The following SLC35D2 variants were observed in gnomAD, a reference collection of about 807,000 sequenced individuals.
SLC35D2 encodes nucleotide sugar transporter SLC35D2.
Under a neutral mutation model 41.8 loss-of-function variants are expected in SLC35D2, and 43 were observed. The ratio of observed to expected loss-of-function variants is 1.03; its 90% CI spans 0.81 to 1.33. SLC35D2 has a LOEUF of 1.33. Ranked by LOEUF, SLC35D2 falls within the 40% of genes most tolerant of loss-of-function variation. The probability of loss-of-function intolerance (pLI) is 0.00; values close to 1 mark genes in which losing one functional copy is unlikely to be tolerated. For missense variants in SLC35D2, 380 were observed against 408.4 expected (o/e 0.93, Z 0.60); for synonymous variants, 150 against 163.9 (o/e 0.92, Z 0.65).
intron 1 of SLC35D2, among the ~76,000 whole-genome samples, chr9:96,369,645 G>A (rs1005272356): frequency 1.3e-5 from 2 of 152,210 alleles, no homozygotes; most frequent in African/African-American, 4.8e-5. Context: ...CCTGATTTAT[G>A]ACATAGATGA....
At chr9:96,382,496 C>CTA (rs142809659) in intron 1 of SLC35D2, among the ~76,000 whole-genome samples, 6,050 of 127,566 alleles carry the variant, frequency 0.047, 287 homozygotes, top group Admixed American at 0.16. Context: ...CACACACACA[C>CTA]TATATATATA....
chr9:96,324,070 T>C (rs1564083676), intron 10 of SLC35D2, 21 bp downstream of exon 10: 2 of 1,601,932 alleles, frequency 1.2e-6, no homozygotes, highest in Non-Finnish European at 1.7e-6. Flanking sequence ...GTTGTTCCCT[T>C]CCAAGTTTCC....
In SLC35D2 at chr9:96,345,417, CA is replaced by C; in HGVS notation, c.489-17del. 7.1e-7 allele frequency: 1 copy of C among 1,417,506 alleles called. No homozygotes were observed. Among genetic ancestry groups the C allele is most frequent in the Non-Finnish European group, 9.9e-7 (1 of 1,006,544 alleles). 87.8% of individuals were successfully genotyped at this position (1,417,506 alleles called of 1,614,324 possible). On this transcript the variant is annotated splice_polypyrimidine_tract_variant and intron_variant, in intron 6 of 11. Coordinates refer to ENST00000253270, the MANE Select transcript of SLC35D2 (RefSeq NM_007001.3). ...AAGGTCAGACCTGGGAGGGAGACCA[CA>C]AAGGGAGAATGATTACTCAAAAACT...
intron 1 of SLC35D2, among the ~76,000 whole-genome samples, chr9:96,375,934 G>A (rs1830932100): frequency 6.6e-6 from 1 of 152,132 alleles, no homozygotes; most frequent in Admixed American, 6.5e-5. Flanking sequence ...GCCGAGGCAG[G>A]TGGATCACTT....
intron 7 of SLC35D2, among the ~76,000 whole-genome samples, chr9:96,344,650 C>T (rs1297483986): frequency 8.0e-6 from 1 of 125,522 alleles, no homozygotes; most frequent in Non-Finnish European, 1.6e-5. Flanking sequence ...TCATCCAGCA[C>T]AAAGAGCTTG....
chr9:96,362,809 G>A (rs1830327047), intron 3 of SLC35D2, among the ~76,000 whole-genome samples: 1 of 151,462 alleles, frequency 6.6e-6, no homozygotes, highest in South Asian at 2.1e-4. Context: ...TGATGATTAG[G>A]TTGACAGCTT....
At chr9:96,353,502 C>G (rs540406918) in intron 4 of SLC35D2, among the ~76,000 whole-genome samples, 1 of 152,082 alleles carries the variant, frequency 6.6e-6, no homozygotes, top group Non-Finnish European at 1.5e-5. Context: ...TACACTACCA[C>G]GCCCAGCTAA....
intron 1 of SLC35D2, among the ~76,000 whole-genome samples, chr9:96,379,098 G>A (rs1831079512): frequency 6.7e-6 from 1 of 149,648 alleles, no homozygotes; most frequent in Non-Finnish European, 1.5e-5. Context: ...AGGAGTTCAA[G>A]ACCAGCCCGG....
chr9:96,346,003 T>G (rs761330063), intron 6 of SLC35D2, among the ~76,000 whole-genome samples: 14 of 152,238 alleles, frequency 9.2e-5, no homozygotes, highest in Non-Finnish European at 1.6e-4. Context: ...TTTGGGGATC[T>G]ATGACAGGAA....
Position 96,344,026 on chromosome 9 carries a change from A to C in SLC35D2, c.592-30T>G, listed in dbSNP as rs200032415. The C allele has an allele frequency of 1.0e-5, 15 of 1,450,880 alleles. No individual in the cohort carries two copies. The Middle Eastern group carries it at 7.1e-4, about 69-fold the overall frequency. 89.9% of individuals were successfully genotyped at this position (1,450,880 alleles called of 1,614,324 possible). On this transcript the variant is annotated intron_variant, in intron 7 of 11. Coordinates refer to ENST00000253270, the MANE Select transcript of SLC35D2 (RefSeq NM_007001.3). ...AAAAACAAAAATGTAAAAACCACTC[A>C]GTTTCAGAAACGTGAGGCACAGATT...
At chr9:96,372,609 G>A (rs1379476659) in intron 1 of SLC35D2, among the ~76,000 whole-genome samples, 3 of 95,606 alleles carry the variant, frequency 3.1e-5, no homozygotes, top group African/African-American at 4.4e-5. Flanking sequence ...TTTTGAGAAC[G>A]AATCTCACTC....
intron 2 of SLC35D2, among the ~76,000 whole-genome samples, chr9:96,364,809 T>C (rs1830412640): frequency 6.6e-6 from 1 of 151,938 alleles, no homozygotes; most frequent in Admixed American, 6.6e-5. Context: ...TCACAGCACT[T>C]TGGGAGGCCA....
intron 9 of SLC35D2, among the ~76,000 whole-genome samples, chr9:96,327,303 A>T (rs1173561939): frequency 6.6e-6 from 1 of 152,198 alleles, no homozygotes; most frequent in Non-Finnish European, 1.5e-5. Flanking sequence ...CCCAGGCGGG[A>T]CATGAATGCC....
intron 2 of SLC35D2, 99 bp downstream of exon 2, chr9:96,368,173 A>C: frequency 2.4e-6 from 2 of 844,848 alleles, no homozygotes; most frequent in Non-Finnish European, 3.7e-6. Flanking sequence ...CTGCCAGCTG[A>C]ATAAATTTGC....
chr9:96,337,032 G>A (rs1232204914), intron 8 of SLC35D2, among the ~76,000 whole-genome samples: 1 of 152,102 alleles, frequency 6.6e-6, no homozygotes, highest in African/African-American at 2.4e-5. Context: ...GTTGATATAA[G>A]GACTGAAAGA....
At chr9:96,360,322 TCAAA>T in intron 3 of SLC35D2, 101 bp from the exon 4 acceptor site, 1 of 914,596 alleles carries the variant, frequency 1.1e-6, no homozygotes, top group Non-Finnish European at 1.7e-6. Context: ...GAGAGGATCT[TCAAA>T]CAGGCATTAA....
At chr9:96,324,230 G>A (rs1164555560) in intron 9 of SLC35D2, 61 bp from the exon 10 acceptor site, 79 of 1,411,486 alleles carry the variant, frequency 5.6e-5, no homozygotes, top group Non-Finnish European at 7.7e-5. Context: ...TGACAAATAG[G>A]TTAAGGCCAG....
intron 4 of SLC35D2, among the ~76,000 whole-genome samples, chr9:96,352,614 A>G (rs1829854991): frequency 6.6e-6 from 1 of 151,696 alleles, no homozygotes; most frequent in East Asian, 2.0e-4. Context: ...GAGCCACCGC[A>G]CCTGGGCTTC....
intron 5 of SLC35D2, 36 bp downstream of exon 5, chr9:96,352,002 A>C: frequency 7.3e-7 from 1 of 1,377,828 alleles, no homozygotes; most frequent in Non-Finnish European, 1.0e-6. Context: ...AGTGGGTGGG[A>C]GGCACACTGG....
Sources: gnomAD v4.1 joint callset for allele counts (sites outside exome capture counted in the v4.1 genomes callset) on GRCh38, gnomAD v4.1.1 for gene constraint, MANE v1.5 for transcripts, NCBI Gene and HGNC (gene_info 2026-07-23, HGNC 2026-07-21) for gene names.